The following RCHY1 variants were observed in gnomAD, a reference collection of about 807,000 sequenced individuals.
RCHY1 encodes the protein RING finger and CHY zinc finger domain-containing protein 1.
RCHY1 carries 21 observed loss-of-function variants against 41.6 expected under a neutral mutation model. That is an observed-to-expected ratio of 0.51 (90% CI 0.36 to 0.73). RCHY1 has a LOEUF of 0.73. Ranked by LOEUF, RCHY1 falls within the 30% of genes least tolerant of loss-of-function variation. RCHY1 has a pLI of 0.00. For missense variants in RCHY1, 265 were observed against 325.3 expected (o/e 0.81, Z 1.43); for synonymous variants, 79 against 102.9 (o/e 0.77, Z 1.41).
intron 8 of RCHY1, among the ~76,000 whole-genome samples, chr4:75,486,105 G>A (rs1424268977): frequency 1.3e-5 from 2 of 152,058 alleles, no homozygotes; most frequent in African/African-American, 4.8e-5. Context: ...GGCTATTCTA[G>A]GAGGGGTTCC....
In RCHY1 at chr4:75,481,832, T is replaced by A. The variant is rs977915719; in HGVS notation, c.*706A>T. On this transcript the variant is annotated 3_prime_UTR_variant, in exon 9 of 9. Transcript: ENST00000324439. Reference sequence around the variant, plus strand: ...GCAACCTAAAAAAAACTGTTTTCAATGTTGATGTTTTTATTAAGGCTTTGG... The same window carrying A: ...GCAACCTAAAAAAAACTGTTTTCAAAGTTGATGTTTTTATTAAGGCTTTGG... The A allele has an allele frequency of 3.3e-5, 5 of 152,186 alleles. No homozygotes were observed. The highest frequency in any genetic ancestry group is 5.9e-5 in the Non-Finnish European group (4 of 68,032). 9.4% of individuals were successfully genotyped at this position (152,186 alleles called of 1,614,324 possible).
intron 1 of RCHY1, among the ~76,000 whole-genome samples, chr4:75,512,971 T>A (rs893790012): frequency 3.4e-5 from 5 of 148,948 alleles, no homozygotes; most frequent in Non-Finnish European, 7.4e-5. Flanking sequence ...AGTGCTATGA[T>A]ACACAGATCT....
chr4:75,500,357 C>T (rs1723634399), intron 3 of RCHY1, among the ~76,000 whole-genome samples: 1 of 152,104 alleles, frequency 6.6e-6, no homozygotes, highest in African/African-American at 2.4e-5. Context: ...CTGGTTACTT[C>T]CTCACTTTTT....
At position 75,514,196 on chromosome 4, in the gene RCHY1, C is replaced by A; in HGVS notation, c.90+1G>T. On this transcript the variant is annotated splice_donor_variant, in intron 1 of 8. Transcript: ENST00000324439. LOFTEE classifies it high-confidence loss of function. ...AGGGAAGAGTCCATAGAAGGCGTCA[C>A]CTTTAGGAGACATCCTCTGTCATAG... is the stretch of plus-strand genomic sequence containing the variant. 3 of 1,611,830 alleles carry A rather than the reference C, an allele frequency of 1.9e-6. No individual in the cohort carries two copies. The highest frequency in any genetic ancestry group is 2.5e-6 in the Non-Finnish European group (3 of 1,178,084).
At chr4:75,495,502 A>G (rs914815899) in intron 3 of RCHY1, among the ~76,000 whole-genome samples, 19 of 152,062 alleles carry the variant, frequency 1.2e-4, no homozygotes, top group Non-Finnish European at 2.2e-4. Flanking sequence ...CGTTGGGAAC[A>G]GAAGAGATAC....
At chr4:75,491,429 G>A in intron 7 of RCHY1, 182 bp downstream of exon 7, 2 of 506,750 alleles carry the variant, frequency 3.9e-6, no homozygotes, top group Non-Finnish European at 7.0e-6. Flanking sequence ...TATGGCAAAA[G>A]TGTAGTTCTA....
In RCHY1 at chr4:75,514,224, C is replaced by T; in HGVS notation, c.63G>A (p.Glu21=). 6.2e-7 allele frequency: 1 copy of T among 1,613,266 alleles called. No individual in the cohort carries two copies. The highest frequency in any genetic ancestry group is 8.5e-7 in the Non-Finnish European group (1 of 1,179,250). ...TTAGGAGACATCCTCTGTCATAGTG[C>T]TCGCAGCCCCGCTGACCTCGCTCTT... The part of the protein sequence containing the change: ...SGQERGQRGC[E]HYDRGCLLKA... Residue 21 remains glutamate (E), a synonymous_variant, in exon 1 of 9, where the codon GAG becomes GAA. Transcript: ENST00000324439.
chr4:75,498,481 C>CAAAAAA (rs57789217), intron 3 of RCHY1, among the ~76,000 whole-genome samples: 13 of 68,764 alleles, frequency 1.9e-4, no homozygotes, highest in Non-Finnish European at 2.9e-4. Flanking sequence ...CAATCCTGAG[C>CAAAAAA]AAAAAAAAAA....
chr4:75,487,692 C>CATATATATTCATA (rs1722286105), intron 8 of RCHY1, among the ~76,000 whole-genome samples: 1 of 59,134 alleles, frequency 1.7e-5, no homozygotes, highest in African/African-American at 9.7e-5. Context: ...TATATATATT[C>CATATATATTCATA]ATATATATAT....
chr4:75,494,214 A>T, intron 3 of RCHY1, 35 bp from the exon 4 acceptor site: 5 of 1,364,968 alleles, frequency 3.7e-6, no homozygotes, highest in Non-Finnish European at 5.1e-6. Flanking sequence ...AGATTAGATT[A>T]TTTTTTACTA....
intron 8 of RCHY1, among the ~76,000 whole-genome samples, chr4:75,487,657 T>TATATATTC (rs1722261107): frequency 3.3e-5 from 1 of 30,038 alleles, no homozygotes; most frequent in African/African-American, 1.7e-4. Context: ...ATATTCATAA[T>TATATATTC]ATATATATTC....
rs1721406890 is a variant in RCHY1, at chr4:75,480,126, T to C, written c.*2412A>G. 1 of 152,214 alleles carries C rather than the reference T, an allele frequency of 6.6e-6. No individual in the cohort carries two copies. Among genetic ancestry groups the C allele is most frequent in the Non-Finnish European group, 1.5e-5 (1 of 68,028 alleles). 9.4% of individuals were successfully genotyped at this position (152,214 alleles called of 1,614,324 possible). Reference sequence around the variant, plus strand: ...GAGTTGACGTGTCATGAACAAATACTTGAAGCAACCCTGGGTACCGAAGCC... The same window carrying C: ...GAGTTGACGTGTCATGAACAAATACCTGAAGCAACCCTGGGTACCGAAGCC... On this transcript the variant is annotated 3_prime_UTR_variant, in exon 9 of 9. Transcript: ENST00000324439.
chr4:75,494,047 C>T, intron 4 of RCHY1, 54 bp downstream of exon 4: 2 of 1,018,984 alleles, frequency 2.0e-6, no homozygotes, highest in Non-Finnish European at 2.9e-6. Context: ...AGAAGTTAAG[C>T]TTATTGCAAA....
intron 3 of RCHY1, among the ~76,000 whole-genome samples, chr4:75,503,190 C>G (rs1276052057): frequency 6.6e-6 from 1 of 152,154 alleles, no homozygotes; most frequent in Non-Finnish European, 1.5e-5. Context: ...CCCTCACTCC[C>G]TGGTTACAAC....
intron 3 of RCHY1, among the ~76,000 whole-genome samples, chr4:75,499,572 C>T (rs902182342): frequency 6.6e-5 from 10 of 152,146 alleles, no homozygotes; most frequent in African/African-American, 1.9e-4. Flanking sequence ...ATGTACACTA[C>T]GGAGTATTAC....
chr4:75,489,987 G>A (rs1444274121), intron 8 of RCHY1, among the ~76,000 whole-genome samples: 2 of 152,108 alleles, frequency 1.3e-5, no homozygotes, highest in African/African-American at 4.8e-5. Flanking sequence ...CCAGAAGCAA[G>A]CAGCATTTTA....
chr4:75,501,578 T>C (rs772628207), intron 3 of RCHY1, among the ~76,000 whole-genome samples: 36 of 152,210 alleles, frequency 2.4e-4, no homozygotes, highest in Admixed American at 3.9e-4. Flanking sequence ...CTACTTGAAG[T>C]GAACATAATT....
At chr4:75,483,206 A>T (rs1721669663) in intron 8 of RCHY1, among the ~76,000 whole-genome samples, 2 of 152,214 alleles carry the variant, frequency 1.3e-5, no homozygotes, top group African/African-American at 4.8e-5. Context: ...CAATAACAAT[A>T]AGATGCCGTT....
chr4:75,487,528 AATATATTCATAAT>A (rs1722163471), intron 8 of RCHY1, among the ~76,000 whole-genome samples: 2 of 72,772 alleles, frequency 2.7e-5, no homozygotes. Context: ...ATATATTCAT[AATATATTCATAAT>A]ATATATATTC....
Sources: gnomAD v4.1 joint callset for allele counts (sites outside exome capture counted in the v4.1 genomes callset) on GRCh38, gnomAD v4.1.1 for gene constraint, MANE v1.5 for transcripts, NCBI Gene and HGNC (gene_info 2026-07-23, HGNC 2026-07-21) for gene names.